CLASP2: variants seen among roughly 807,000 people sequenced by gnomAD.
CLASP2 encodes cytoplasmic linker associated protein 2.
A neutral mutation model predicts 194.4 loss-of-function variants in CLASP2; 47 were observed. That is an observed-to-expected ratio of 0.24 (90% CI 0.19 to 0.31). The LOEUF is 0.31. CLASP2 is among the 10% of genes least tolerant of loss of function. The probability of loss-of-function intolerance (pLI) is 1.00; values close to 1 mark genes in which losing one functional copy is unlikely to be tolerated. For synonymous variants in CLASP2, 619 were observed against 633.5 expected, an observed-to-expected ratio of 0.98 and a Z score of 0.34; for missense variants, 1,445 against 1,823.6, an observed-to-expected ratio of 0.79 and a Z score of 3.78.
chr3:33,671,852 T>C (rs1488165402), intron 6 of CLASP2, among the ~76,000 whole-genome samples: 1 of 151,874 alleles, frequency 6.6e-6, no homozygotes, highest in Non-Finnish European at 1.5e-5. Context: ...AGCACAGCAG[T>C]CTGAGATCAA....
At chr3:33,538,713 G>A in intron 33 of CLASP2, 76 bp downstream of exon 33, 1 of 1,257,928 alleles carries the variant, frequency 7.9e-7, no homozygotes, top group Non-Finnish European at 1.1e-6. Flanking sequence ...AAAAATGACA[G>A]AAAGCAAAAT....
At chr3:33,552,251 C>T (rs1217473148) in intron 29 of CLASP2, among the ~76,000 whole-genome samples, 3 of 151,080 alleles carry the variant, frequency 2.0e-5, no homozygotes, top group Admixed American at 1.3e-4. Flanking sequence ...CCCAAGTAGC[C>T]GGAATTACAG....
At chr3:33,503,208 T>A (rs2047228162) in intron 37 of CLASP2, 1 of 152,168 alleles carries the variant, frequency 6.6e-6, no homozygotes, top group Admixed American at 6.5e-5. Flanking sequence ...AGGAATGTAA[T>A]ATTTATGATT....
intron 23 of CLASP2, 64 bp from the exon 24 acceptor site, chr3:33,576,339 G>A (rs2064883113): frequency 7.8e-7 from 1 of 1,277,296 alleles, no homozygotes; most frequent in South Asian, 1.3e-5. Context: ...GTCAGGTTGG[G>A]AAACTTTAAG....
intron 7 of CLASP2, among the ~76,000 whole-genome samples, chr3:33,650,652 G>A (rs894295398): frequency 6.6e-6 from 1 of 151,944 alleles, no homozygotes; most frequent in Non-Finnish European, 1.5e-5. Context: ...AGGGAGAAGA[G>A]ATGAAATACA....
intron 10 of CLASP2, among the ~76,000 whole-genome samples, chr3:33,623,226 G>A (rs891499709): frequency 6.6e-6 from 1 of 152,152 alleles, no homozygotes; most frequent in Non-Finnish European, 1.5e-5. Flanking sequence ...GGTAACTGGG[G>A]TATCCATCAC....
At chr3:33,710,620 A>G (rs1395876033) in intron 1 of CLASP2, among the ~76,000 whole-genome samples, 1 of 152,090 alleles carries the variant, frequency 6.6e-6, no homozygotes, top group African/African-American at 2.4e-5. Flanking sequence ...AGCATTTATG[A>G]TACTCTCTAA....
intron 30 of CLASP2, among the ~76,000 whole-genome samples, chr3:33,548,599 T>C (rs2059516983): frequency 6.6e-6 from 1 of 152,126 alleles, no homozygotes; most frequent in African/African-American, 2.4e-5. Flanking sequence ...CCAGCCATCA[T>C]TTTATAAATC....
chr3:33,580,742 G>A (rs2065871521), intron 23 of CLASP2, among the ~76,000 whole-genome samples: 2 of 152,058 alleles, frequency 1.3e-5, no homozygotes, highest in South Asian at 4.1e-4. Context: ...CTGGCCAGGT[G>A]CAGTGGCTCA....
chr3:33,639,870 C>A (rs1306396839), intron 8 of CLASP2, among the ~76,000 whole-genome samples: 1 of 152,084 alleles, frequency 6.6e-6, no homozygotes, highest in African/African-American at 2.4e-5. Flanking sequence ...GGAGATTACC[C>A]GGAGATGATC....
Position 33,687,071 on chromosome 3 carries a change from A to C in CLASP2, c.535T>G (p.Ser179Ala), listed in dbSNP as rs763161081. The C allele has an allele frequency of 3.1e-6, 5 of 1,588,698 alleles. No individual in the cohort carries two copies. The highest frequency in any genetic ancestry group is 4.5e-5 in the East Asian group (2 of 44,124). The change falls in exon 5 of 39, where the codon TCC becomes GCC. Residue 179 changes from serine to alanine, a missense_variant. Physicochemically the swap from Ser to Ala is moderately conservative, Grantham distance 99 (BLOSUM62 1). Coordinates refer to ENST00000682230, the MANE Select transcript of CLASP2 (RefSeq NM_001365631.1). ...AAATAAAATTTTACCTGACTGTTGG[A>C]GTCTCCAAACAGGATACACAAATGT... The part of the protein sequence containing the change: ...IPHLCILFGD[S>A]NSQVRDAAIL...
intron 16 of CLASP2, among the ~76,000 whole-genome samples, 190 bp from the exon 17 acceptor site, chr3:33,604,399 T>C (rs2154257531): frequency 6.6e-6 from 1 of 151,678 alleles, no homozygotes; most frequent in Admixed American, 6.6e-5. Context: ...CTCACTGCAG[T>C]CTTGACTTCC....
chr3:33,711,174 GT>G (rs1201842351), intron 1 of CLASP2, among the ~76,000 whole-genome samples: 1 of 151,794 alleles, frequency 6.6e-6, no homozygotes, highest in Non-Finnish European at 1.5e-5. Flanking sequence ...GAGGTTTTGT[GT>G]TTTTCTCCAA....
chr3:33,510,855 A>C, intron 36 of CLASP2, 91 bp from the exon 37 acceptor site: 1 of 1,141,608 alleles, frequency 8.8e-7, no homozygotes, highest in Non-Finnish European at 1.2e-6. Flanking sequence ...ATTCAATATA[A>C]TATATGGAAT....
At position 33,533,731 on chromosome 3, in the gene CLASP2, T is replaced by C. The variant is rs564291892; in HGVS notation, c.3787+1502A>G. Among the ~76,000 whole-genome samples the C allele has an allele frequency of 7.7e-4, 118 of 152,282 alleles. 1 individual carries two copies. Among genetic ancestry groups the C allele is most frequent in the Non-Finnish European group, 1.4e-3 (94 of 68,016 alleles). On this transcript the variant is annotated intron_variant, in intron 34 of 38. Coordinates refer to ENST00000682230, the MANE Select transcript of CLASP2 (RefSeq NM_001365631.1). ...GAATTATCTTTATTGCTCTTTTTTT[T>C]TGAGACAGGGTCTCACTCTGTTGCC... is the stretch of plus-strand genomic sequence containing the variant.
At chr3:33,704,271 T>C (rs1315844888) in intron 1 of CLASP2, among the ~76,000 whole-genome samples, 1 of 152,104 alleles carries the variant, frequency 6.6e-6, no homozygotes, top group Non-Finnish European at 1.5e-5. Flanking sequence ...TTATAACAAG[T>C]GTATCACTCT....
intron 5 of CLASP2, among the ~76,000 whole-genome samples, chr3:33,684,836 C>A (rs926365019): frequency 9.9e-5 from 15 of 151,184 alleles, no homozygotes; most frequent in Admixed American, 2.0e-4. Flanking sequence ...CCCGCCTCTA[C>A]GAAAAATACA....
rs1336387642 is a variant in CLASP2, at chr3:33,538,854, A to G, written c.3493T>C (p.Phe1165Leu). The part of the protein sequence containing the change: ...GVTEAIQNFS[F>L]RSQEDMNEPL... ...TCATTCATATCTTCTTGGCTACGGA[A>G]GCTGAAATTCTGGATTGCTTCAGTG... Residue 1165 changes from phenylalanine (F) to leucine (L), a missense_variant, in exon 33 of 39, where the codon TTC (phenylalanine) becomes CTC (leucine). Physicochemically the swap from Phe to Leu is conservative, Grantham distance 22. This residue lies in a region of CLASP2 where 732 missense variants were observed against 987.9 expected (regional missense o/e 0.74). Coordinates refer to ENST00000682230, the MANE Select transcript of CLASP2 (RefSeq NM_001365631.1). 1 of 1,605,664 alleles carries G rather than the reference A, an allele frequency of 6.2e-7. No homozygotes were observed. The highest frequency in any genetic ancestry group is 8.5e-7 in the Non-Finnish European group (1 of 1,175,774).
chr3:33,690,254 C>T (rs1469715827), intron 2 of CLASP2, among the ~76,000 whole-genome samples: 1 of 152,036 alleles, frequency 6.6e-6, no homozygotes, highest in Non-Finnish European at 1.5e-5. Flanking sequence ...GTTCATAGGG[C>T]CAAAGTATCT....
Sources: allele counts gnomAD v4.1 joint callset (sites outside exome capture counted in the v4.1 genomes callset), GRCh38; gene constraint gnomAD v4.1.1; regional missense constraint gnomAD v4.1.1; transcripts MANE v1.5; gene names NCBI Gene and HGNC (gene_info 2026-07-23, HGNC 2026-07-21).